The following PCDH11X variants were observed in gnomAD, a reference collection of about 807,000 sequenced individuals.
PCDH11X encodes protocadherin 11 X-linked.
PCDH11X carries 18 observed loss-of-function variants against 53.3 expected under a neutral mutation model. The ratio of observed to expected loss-of-function variants is 0.34; its 90% CI spans 0.23 to 0.50. PCDH11X has a LOEUF of 0.50. Ranked by LOEUF, PCDH11X falls within the 20% of genes least tolerant of loss-of-function variation. The pLI, the probability that PCDH11X is intolerant of heterozygous loss-of-function variation, is 0.98. For synonymous variants in PCDH11X, 279 were observed against 393.3 expected, an observed-to-expected ratio of 0.71 and a Z score of 3.44; for missense variants, 570 against 1,032.4, an observed-to-expected ratio of 0.55 and a Z score of 6.14.
At chrX:92,577,244 G>T in intron 10 of PCDH11X, among the ~76,000 whole-genome samples, 1 of 110,244 alleles carries the variant, frequency 9.1e-6, no homozygotes, top group South Asian at 3.8e-4. Flanking sequence ...TCCATTCAGA[G>T]ATTCAACTTT....
intron 10 of PCDH11X, among the ~76,000 whole-genome samples, chrX:92,589,765 C>A (rs1924824060): frequency 9.0e-6 from 1 of 110,991 alleles, no homozygotes; most frequent in South Asian, 3.8e-4. Context: ...TATTCCTGGG[C>A]TATTAGTACA....
chrX:92,608,370 G>A (rs57279765), intron 10 of PCDH11X, among the ~76,000 whole-genome samples: 22,739 of 102,496 alleles, frequency 0.22, 2,470 homozygotes, highest in African/African-American at 0.31. Flanking sequence ...TTCCTGTTCT[G>A]CTCTTCTCTT....
intron 6 of PCDH11X, among the ~76,000 whole-genome samples, chrX:92,121,654 T>G (rs1436512592): frequency 8.9e-6 from 1 of 112,011 alleles, no homozygotes; most frequent in Non-Finnish European, 1.9e-5. Flanking sequence ...ATTGAATAGT[T>G]GAAGCAAAAT....
intron 6 of PCDH11X, among the ~76,000 whole-genome samples, chrX:92,069,252 G>T (rs903966275): frequency 9.2e-6 from 1 of 108,452 alleles, no homozygotes; most frequent in Non-Finnish European, 1.9e-5. Context: ...TATACTTTTC[G>T]TCTTTAAATC....
chrX:92,033,270 T>C (rs1487503065), intron 6 of PCDH11X, among the ~76,000 whole-genome samples: 1 of 109,541 alleles, frequency 9.1e-6, no homozygotes, highest in African/African-American at 3.3e-5. Flanking sequence ...TTTGGAAGTA[T>C]TCCCTTCTGC....
chrX:92,243,742 T>G (rs910199921), intron 7 of PCDH11X, among the ~76,000 whole-genome samples: 1 of 111,538 alleles, frequency 9.0e-6, no homozygotes, highest in Non-Finnish European at 1.9e-5. Context: ...TTTAATGGTA[T>G]ACTTTAATTT....
At chrX:92,057,029 G>C (rs181653073) in intron 6 of PCDH11X, among the ~76,000 whole-genome samples, 1 of 110,861 alleles carries the variant, frequency 9.0e-6, no homozygotes, top group Non-Finnish European at 1.9e-5. Context: ...GCAATAAAGC[G>C]AGTCCTCAAA....
At chrX:92,218,571 A>C (rs1227436876) in intron 7 of PCDH11X, among the ~76,000 whole-genome samples, 2 of 109,371 alleles carry the variant, frequency 1.8e-5, no homozygotes, top group African/African-American at 3.3e-5. Flanking sequence ...TACCAACCAA[A>C]CAGAGTCCAG....
intron 9 of PCDH11X, among the ~76,000 whole-genome samples, chrX:92,463,265 T>C (rs781697875): frequency 3.6e-5 from 4 of 111,793 alleles, no homozygotes; most frequent in Non-Finnish European, 7.5e-5. Flanking sequence ...TCTTAAAATA[T>C]GATTTTCTCT....
intron 10 of PCDH11X, among the ~76,000 whole-genome samples, chrX:92,506,216 C>CTTTT (rs1180678297): frequency 5.2e-4 from 21 of 40,200 alleles, no homozygotes; most frequent in East Asian, 9.4e-4. Context: ...CTTTTCTTTT[C>CTTTT]TTTTTTTTTT....
At chrX:92,131,226 T>C (rs1372467513) in intron 6 of PCDH11X, among the ~76,000 whole-genome samples, 2 of 112,405 alleles carry the variant, frequency 1.8e-5, no homozygotes, top group East Asian at 2.8e-4. Flanking sequence ...TGATATTTAT[T>C]GAGCTTAAAG....
At chrX:92,497,890 T>C (rs1445397664) in intron 10 of PCDH11X, among the ~76,000 whole-genome samples, 1 of 111,570 alleles carries the variant, frequency 9.0e-6, no homozygotes, top group East Asian at 2.8e-4. Context: ...TTGTCTGATA[T>C]GCTGTCGTAA....
intron 8 of PCDH11X, among the ~76,000 whole-genome samples, chrX:92,277,023 A>G (rs988401040): frequency 3.6e-5 from 4 of 111,198 alleles, no homozygotes; most frequent in Non-Finnish European, 7.5e-5. Context: ...TGTAAGCTGG[A>G]CCAGGTGTGA....
At chrX:92,307,214 C>G (rs958930930) in intron 8 of PCDH11X, among the ~76,000 whole-genome samples, 20 of 109,054 alleles carry the variant, frequency 1.8e-4, no homozygotes, top group East Asian at 2.9e-4. Context: ...AAGTTCTCAA[C>G]AAACATTAGC....
At chrX:92,193,646 A>T (rs1460236947) in intron 6 of PCDH11X, among the ~76,000 whole-genome samples, 1 of 111,347 alleles carries the variant, frequency 9.0e-6, no homozygotes, top group Non-Finnish European at 1.9e-5. Context: ...AACATAATAA[A>T]TTACTGTATA....
At chrX:91,944,023 TTG>T (rs755497548) in intron 6 of PCDH11X, among the ~76,000 whole-genome samples, 1,931 of 63,667 alleles carry the variant, frequency 0.03, 135 homozygotes, top group African/African-American at 0.076. Flanking sequence ...ATCTCCTGGA[TTG>T]TGTGTGTGTG....
At chrX:92,322,365 T>A (rs1380157746) in intron 8 of PCDH11X, among the ~76,000 whole-genome samples, 1 of 111,076 alleles carries the variant, frequency 9.0e-6, no homozygotes, top group Non-Finnish European at 1.9e-5. Flanking sequence ...TACTTTCCAT[T>A]CCTTATTTTA....
intron 6 of PCDH11X, among the ~76,000 whole-genome samples, chrX:92,085,481 C>CA (rs60792159): frequency 0.27 from 18,234 of 68,327 alleles, 2,369 homozygotes; most frequent in East Asian, 0.42. Context: ...AATTTGGTTG[C>CA]AAAAAAAAAA....
At chrX:91,943,587 A>G (rs1187181529) in intron 6 of PCDH11X, among the ~76,000 whole-genome samples, 2 of 105,091 alleles carry the variant, frequency 1.9e-5, no homozygotes, top group Non-Finnish European at 3.9e-5. Context: ...ATAGAAAAGA[A>G]CTTCCACAAC....
Sources: allele counts gnomAD v4.1 joint callset (sites outside exome capture counted in the v4.1 genomes callset), GRCh38; gene constraint gnomAD v4.1.1; transcripts MANE v1.5; gene names NCBI Gene and HGNC (gene_info 2026-07-23, HGNC 2026-07-21).